The following KCNT2 variants were observed in gnomAD, a reference collection of about 807,000 sequenced individuals.
KCNT2 encodes potassium sodium-activated channel subfamily T member 2.
In KCNT2, 67 loss-of-function variants were observed where a neutral mutation model predicts 153.8. The ratio of observed to expected loss-of-function variants is 0.44; its 90% CI spans 0.36 to 0.53. The LOEUF (loss-of-function observed/expected upper bound fraction) is 0.53. Among genes scored for constraint, KCNT2 ranks in the 20% least tolerant of loss-of-function variants. The pLI is 0.00. For missense variants in KCNT2, 975 were observed against 1,354.8 expected (o/e 0.72, Z 4.40); for synonymous variants, 500 against 458.8 (o/e 1.09, Z -1.15).
intron 12 of KCNT2, among the ~76,000 whole-genome samples, chr1:196,409,168 T>C (rs1187111525): frequency 6.6e-6 from 1 of 151,372 alleles, no homozygotes; most frequent in Non-Finnish European, 1.5e-5. Context: ...TTGCTTCATA[T>C]AGCCACTTCC....
At chr1:196,468,463 CAT>C (rs536591395) in intron 6 of KCNT2, among the ~76,000 whole-genome samples, 1 of 151,970 alleles carries the variant, frequency 6.6e-6, no homozygotes, top group Non-Finnish European at 1.5e-5. Flanking sequence ...TGCTGAGTAA[CAT>C]ATTTATGGGA....
intron 26 of KCNT2, among the ~76,000 whole-genome samples, chr1:196,255,027 A>T (rs992295216): frequency 6.6e-6 from 1 of 151,620 alleles, no homozygotes; most frequent in African/African-American, 2.4e-5. Context: ...ATCAGCAGTC[A>T]CATCAGGAAG....
chr1:196,485,911 T>A (rs1291860837), intron 3 of KCNT2, among the ~76,000 whole-genome samples: 1 of 151,658 alleles, frequency 6.6e-6, no homozygotes, highest in Non-Finnish European at 1.5e-5. Context: ...CAAATGAAAA[T>A]TTAATCTCAT....
chr1:196,529,750 A>T (rs1273441050), intron 1 of KCNT2, among the ~76,000 whole-genome samples: 1 of 152,098 alleles, frequency 6.6e-6, no homozygotes. Context: ...TTTACAGAAC[A>T]CTGTGCATTC....
intron 1 of KCNT2, among the ~76,000 whole-genome samples, chr1:196,605,314 A>C (rs1009654238): frequency 6.6e-5 from 10 of 152,362 alleles, no homozygotes; most frequent in Admixed American, 5.2e-4. Flanking sequence ...GAGAGACAGA[A>C]GCCAATAAAG....
intron 14 of KCNT2, among the ~76,000 whole-genome samples, chr1:196,350,880 A>G (rs1165439517): frequency 1.3e-5 from 2 of 152,086 alleles, no homozygotes; most frequent in Non-Finnish European, 2.9e-5. Context: ...TAATTTTTGT[A>G]TAAGGTGTAA....
chr1:196,441,541 A>G (rs184879723), intron 8 of KCNT2, among the ~76,000 whole-genome samples: 101 of 151,570 alleles, frequency 6.7e-4, no homozygotes, highest in African/African-American at 2.3e-3. Context: ...CTTATATTAA[A>G]TATTTCAATA....
chr1:196,279,597 AT>A (rs528425905), intron 25 of KCNT2, among the ~76,000 whole-genome samples: 354 of 141,310 alleles, frequency 2.5e-3, no homozygotes, highest in Admixed American at 3.9e-3. Context: ...TAATTTTTGT[AT>A]TTTTTTTTTT....
chr1:196,563,048 G>C (rs1558081946), intron 1 of KCNT2, among the ~76,000 whole-genome samples: 1 of 151,914 alleles, frequency 6.6e-6, no homozygotes, highest in Non-Finnish European at 1.5e-5. Flanking sequence ...AGCACTACAT[G>C]TAAGAATAGT....
chr1:196,274,857 C>G (rs983157098), intron 25 of KCNT2, among the ~76,000 whole-genome samples: 4 of 151,796 alleles, frequency 2.6e-5, no homozygotes, highest in Non-Finnish European at 5.9e-5. Context: ...CACTGGAAAA[C>G]TGGAGGCAAA....
chr1:196,502,992 C>T (rs1035052150), intron 1 of KCNT2, among the ~76,000 whole-genome samples: 11 of 151,590 alleles, frequency 7.3e-5, no homozygotes, highest in Non-Finnish European at 1.6e-4. Flanking sequence ...TGAGCCAAGC[C>T]ATTAAAAAGA....
At chr1:196,577,056 C>A (rs543184162) in intron 1 of KCNT2, among the ~76,000 whole-genome samples, 2 of 152,144 alleles carry the variant, frequency 1.3e-5, no homozygotes, top group South Asian at 4.1e-4. Flanking sequence ...ATTATGCCAA[C>A]AGATTACTAT....
At chr1:196,294,599 T>C (rs1284331687) in intron 22 of KCNT2, among the ~76,000 whole-genome samples, 1 of 152,066 alleles carries the variant, frequency 6.6e-6, no homozygotes. Context: ...AAAAACAGTA[T>C]GGAGTTTCCT....
intron 25 of KCNT2, among the ~76,000 whole-genome samples, chr1:196,276,053 C>T (rs1185414895): frequency 6.6e-6 from 1 of 151,940 alleles, no homozygotes. Flanking sequence ...CTTTCTCTCT[C>T]TGTTTCTATA....
chr1:196,480,810 C>G (rs767687342), intron 4 of KCNT2, among the ~76,000 whole-genome samples: 8 of 131,744 alleles, frequency 6.1e-5, no homozygotes, highest in African/African-American at 2.4e-4. Context: ...GAGCCGAGAT[C>G]GCACCACTGC....
chr1:196,598,069 T>C lies in KCNT2; in HGVS notation c.95+10146A>G, dbSNP rs1244152213. On this transcript the variant is annotated intron_variant, in intron 1 of 27. Coordinates refer to ENST00000294725, the MANE Select transcript of KCNT2 (RefSeq NM_198503.5). ...TATTAAAAAATAAAACACATAGCTA[T>C]AAAAAATAGTAATAATTGTGGATTA... 2.6e-5 allele frequency among the ~76,000 whole-genome samples: 4 copies of C among 152,074 alleles called. No individual in the cohort carries two copies. The East Asian group carries it at 7.7e-4, about 29-fold the overall frequency.
intron 1 of KCNT2, among the ~76,000 whole-genome samples, chr1:196,600,590 G>T (rs1664616140): frequency 6.6e-6 from 1 of 152,072 alleles, no homozygotes; most frequent in African/African-American, 2.4e-5. Flanking sequence ...GAATTTCTTG[G>T]TTTCTATGTT....
At chr1:196,490,753 G>C (rs1387245777) in intron 2 of KCNT2, among the ~76,000 whole-genome samples, 1 of 151,688 alleles carries the variant, frequency 6.6e-6, no homozygotes, top group Non-Finnish European at 1.5e-5. Context: ...TTAAGATTAA[G>C]CACAATATGC....
intron 13 of KCNT2, among the ~76,000 whole-genome samples, chr1:196,394,522 C>T (rs1670755969): frequency 6.6e-6 from 1 of 151,392 alleles, no homozygotes; most frequent in Admixed American, 6.6e-5. Context: ...AGAGAAAAAT[C>T]AATAACTATT....
Sources: gnomAD v4.1 joint callset for allele counts (sites outside exome capture counted in the v4.1 genomes callset) on GRCh38, gnomAD v4.1.1 for gene constraint, MANE v1.5 for transcripts, NCBI Gene and HGNC (gene_info 2026-07-23, HGNC 2026-07-21) for gene names.